Variants in TRIM62 observed in about 807,000 individuals in gnomAD.
The protein encoded by TRIM62 is E3 ubiquitin-protein ligase TRIM62.
A neutral mutation model predicts 44.2 loss-of-function variants in TRIM62; 39 were observed. The observed-to-expected ratio is 0.88, with a 90% CI of 0.68 to 1.15. The LOEUF is 1.15. TRIM62 is among the 50% of genes most tolerant of loss of function. The probability of loss-of-function intolerance (pLI) is 0.00; values close to 1 mark genes in which losing one functional copy is unlikely to be tolerated. For synonymous variants in TRIM62, 278 were observed against 292.3 expected, an observed-to-expected ratio of 0.95 and a Z score of 0.50; for missense variants, 544 against 665.5, an observed-to-expected ratio of 0.82 and a Z score of 2.01.
At chr1:33,158,757 A>G (rs1235391139) in intron 3 of TRIM62, among the ~76,000 whole-genome samples, 1 of 152,186 alleles carries the variant, frequency 6.6e-6, no homozygotes, top group East Asian at 1.9e-4. Context: ...ACAGAGACCT[A>G]GGCTTGAATC....
chr1:33,152,254 C>T (rs1229086961), intron 4 of TRIM62, among the ~76,000 whole-genome samples: 1 of 152,142 alleles, frequency 6.6e-6, no homozygotes, highest in African/African-American at 2.4e-5. Context: ...AGCATGTGGC[C>T]CCAGAAAGCC....
At chr1:33,162,080 G>T (rs1166129298) in intron 2 of TRIM62, among the ~76,000 whole-genome samples, 1 of 152,110 alleles carries the variant, frequency 6.6e-6, no homozygotes, top group East Asian at 1.9e-4. Flanking sequence ...AACTCACTTG[G>T]TCTACAAGTC....
In TRIM62 at chr1:33,165,384, C is replaced by T. The variant is rs2124739118; in HGVS notation, c.504+87G>A. ...CAGGTTTCCACCGCACACCCGAGGC[C>T]CCGCCCCTCTTCCCCAGCTGGCCCC... On this transcript the variant is annotated intron_variant, in intron 2 of 4. Coordinates refer to ENST00000291416, the MANE Select transcript of TRIM62 (RefSeq NM_018207.3). The surrounding 1 kb of genome is among the most constrained non-coding windows in gnomAD (Gnocchi z 4.0). The T allele has an allele frequency of 3.2e-6, 4 of 1,265,148 alleles. No homozygotes were observed. The highest frequency in any genetic ancestry group is 1.4e-5 in the South Asian group (1 of 70,486). 78.4% of individuals were successfully genotyped at this position (1,265,148 alleles called of 1,614,324 possible).
chr1:33,168,834 C>A (rs1008490509), intron 1 of TRIM62, among the ~76,000 whole-genome samples: 2 of 152,302 alleles, frequency 1.3e-5, no homozygotes, highest in African/African-American at 4.8e-5. Flanking sequence ...ACAATTCTCC[C>A]CCTGGTGGCC....
At chr1:33,154,567 A>G (rs946939081) in intron 4 of TRIM62, among the ~76,000 whole-genome samples, 4 of 152,080 alleles carry the variant, frequency 2.6e-5, no homozygotes, top group African/African-American at 7.2e-5. Context: ...TGGGAGGCCA[A>G]GGTGGGCGGA....
intron 1 of TRIM62, among the ~76,000 whole-genome samples, chr1:33,175,946 G>T (rs938070512): frequency 6.6e-6 from 1 of 152,114 alleles, no homozygotes; most frequent in African/African-American, 2.4e-5. Flanking sequence ...CCCAATGTTG[G>T]CCCTAAGCTT....
intron 2 of TRIM62, chr1:33,163,265 C>T (rs1482567812): frequency 2.6e-5 from 4 of 152,112 alleles, no homozygotes; most frequent in African/African-American, 9.7e-5. Flanking sequence ...TCTTGAACTC[C>T]TGACCTCAGG....
chr1:33,168,910 G>A (rs1168215582), intron 1 of TRIM62, among the ~76,000 whole-genome samples: 1 of 152,200 alleles, frequency 6.6e-6, no homozygotes, highest in Admixed American at 6.5e-5. Flanking sequence ...AACTGCCTTG[G>A]AGTCTGCCTT....
At chr1:33,158,460 T>C (rs1645212598) in intron 3 of TRIM62, 92 bp from the exon 4 acceptor site, 1 of 959,290 alleles carries the variant, frequency 1.0e-6, no homozygotes, top group Non-Finnish European at 1.7e-6. Flanking sequence ...GCAGCTGGCA[T>C]AGGATGTGGT....
intron 1 of TRIM62, among the ~76,000 whole-genome samples, chr1:33,179,072 T>G (rs1222698396): frequency 6.6e-6 from 1 of 152,232 alleles, no homozygotes; most frequent in Non-Finnish European, 1.5e-5. Context: ...ACATAACTTC[T>G]CCAGGCCTCA....
chr1:33,154,747 G>A (rs1316351628), intron 4 of TRIM62, among the ~76,000 whole-genome samples: 16 of 148,980 alleles, frequency 1.1e-4, no homozygotes, highest in Non-Finnish European at 2.1e-4. Context: ...GCAGTGAGCC[G>A]AGATCACGCC....
chr1:33,155,174 C>T (rs1645161134), intron 4 of TRIM62, among the ~76,000 whole-genome samples: 2 of 151,002 alleles, frequency 1.3e-5, no homozygotes, highest in Admixed American at 6.6e-5. Context: ...TGGGTTCAAG[C>T]CATTCTCCCA....
chr1:33,148,994 C>T (rs1645057791), intron 4 of TRIM62, among the ~76,000 whole-genome samples: 1 of 152,188 alleles, frequency 6.6e-6, no homozygotes. Context: ...CCACTTAGGT[C>T]CAAAGCCTCT....
chr1:33,176,594 G>A lies in TRIM62; in HGVS notation c.408+4431C>T, dbSNP rs531602636. ...CCACGTCTGCTCTGACCAAGATGAC[G>A]TCCCAACCACCTGCCCTCGGGGCGT... On this transcript the variant is annotated intron_variant, in intron 1 of 4. Transcript: ENST00000291416. 1.2e-3 allele frequency: 604 copies of A among 523,076 alleles called. 1 individual carries two copies. Among genetic ancestry groups the A allele is most frequent in the Non-Finnish European group, 1.7e-3 (489 of 281,800 alleles). The allele number at this position is 523,076 out of a possible 1,614,324, so 32.4% of individuals were successfully genotyped here. A position where few individuals can be genotyped will look rare whatever the true frequency, so the allele number is the denominator to read the frequency against.
chr1:33,171,332 C>T (rs1645373339), intron 1 of TRIM62, among the ~76,000 whole-genome samples: 1 of 152,156 alleles, frequency 6.6e-6, no homozygotes, highest in South Asian at 2.1e-4. Flanking sequence ...GGCATCTTGT[C>T]ACCTAATTCT....
Position 33,181,259 on chromosome 1 carries a change from G to C in TRIM62, c.174C>G (p.Ala58=). The change falls in exon 1 of 5, where the codon GCC becomes GCG. Residue 58 remains alanine, a synonymous_variant. Coordinates refer to ENST00000291416, the MANE Select transcript of TRIM62 (RefSeq NM_018207.3). The surrounding 1 kb of genome is among the most constrained non-coding windows in gnomAD (Gnocchi z 6.5). ...TGAGGCTGGGCGCCAGCGCGGGCTC[G>C]GCGAACGTGCGCCGGCACTCGGGGC... is the stretch of plus-strand genomic sequence containing the variant. The part of the protein sequence containing the change: ...RDCPECRRTF[A]EPALAPSLKL... 6.5e-7 allele frequency: 1 copy of C among 1,548,232 alleles called. No homozygotes were observed. Among genetic ancestry groups the C allele is most frequent in the Non-Finnish European group, 8.7e-7 (1 of 1,152,530 alleles).
chr1:33,166,219 C>T (rs1645326677), intron 1 of TRIM62: 1 of 152,294 alleles, frequency 6.6e-6, no homozygotes, highest in Non-Finnish European at 1.5e-5. Flanking sequence ...CCCACTGATC[C>T]TACATCATGT....
chr1:33,171,307 G>A (rs766009235), intron 1 of TRIM62, among the ~76,000 whole-genome samples: 10 of 152,168 alleles, frequency 6.6e-5, no homozygotes, highest in Non-Finnish European at 1.2e-4. Flanking sequence ...ATGTGGTTTG[G>A]GTTTGAATTT....
chr1:33,174,817 C>G lies in TRIM62; in HGVS notation c.408+6208G>C, dbSNP rs111463988. Reference sequence around the variant, plus strand: ...CTTTCGGGACCACACAGGGCCAGGTCTTGTGTAGTTCTCTCCTGGGCCCAA... The same window carrying G: ...CTTTCGGGACCACACAGGGCCAGGTGTTGTGTAGTTCTCTCCTGGGCCCAA... On this transcript the variant is annotated intron_variant, in intron 1 of 4. Coordinates refer to ENST00000291416, the MANE Select transcript of TRIM62 (RefSeq NM_018207.3). 7.2e-4 allele frequency among the ~76,000 whole-genome samples: 109 copies of G among 152,024 alleles called. 1 individual carries two copies. Among genetic ancestry groups the G allele is most frequent in the African/African-American group, 2.5e-3 (103 of 41,426 alleles).
Sources: gnomAD v4.1 joint callset for allele counts (sites outside exome capture counted in the v4.1 genomes callset) on GRCh38, gnomAD v4.1.1 for gene constraint, Gnocchi (gnomAD v3.1) non-coding constraint, MANE v1.5 for transcripts, NCBI Gene and HGNC (gene_info 2026-07-23, HGNC 2026-07-21) for gene names.